SMYD3: variants seen among roughly 807,000 people sequenced by gnomAD.
The protein encoded by SMYD3 is histone-lysine N-methyltransferase SMYD3.
In SMYD3, 36 loss-of-function variants were observed where a neutral mutation model predicts 57.7. The observed-to-expected ratio is 0.62, with a 90% confidence interval of 0.48 to 0.82. SMYD3 has a LOEUF of 0.82. Among genes scored for constraint, SMYD3 ranks in the 40% least tolerant of loss-of-function variants. The pLI, the probability that SMYD3 is intolerant of heterozygous loss-of-function variation, is 0.00. For missense variants in SMYD3, 515 were observed against 538.8 expected (o/e 0.96, Z 0.44); for synonymous variants, 211 against 195.0 (o/e 1.08, Z -0.68).
intron 1 of SMYD3, among the ~76,000 whole-genome samples, chr1:246,387,786 A>T (rs983146201): frequency 6.6e-6 from 1 of 152,254 alleles, no homozygotes; most frequent in African/African-American, 2.4e-5. Context: ...ATTATATTAA[A>T]AATAACATTT....
At chr1:246,249,657 C>G (rs1338773599) in intron 5 of SMYD3, among the ~76,000 whole-genome samples, 1 of 151,960 alleles carries the variant, frequency 6.6e-6, no homozygotes. Context: ...ACAGTTTTAC[C>G]TAAAGTAACA....
intron 5 of SMYD3, among the ~76,000 whole-genome samples, chr1:246,175,188 G>C (rs577854590): frequency 6.6e-6 from 1 of 152,108 alleles, no homozygotes; most frequent in Non-Finnish European, 1.5e-5. Context: ...TTACAAAATC[G>C]TATTTGAGTA....
At chr1:245,935,720 C>G (rs769886960) in intron 5 of SMYD3, among the ~76,000 whole-genome samples, 44 of 152,182 alleles carry the variant, frequency 2.9e-4, no homozygotes, top group Non-Finnish European at 5.0e-4. Flanking sequence ...GAAGGAAATT[C>G]TGTCATTTGC....
chr1:246,173,476 GTAA>G (rs1484862918), intron 5 of SMYD3, among the ~76,000 whole-genome samples: 8 of 152,128 alleles, frequency 5.3e-5, no homozygotes, highest in Non-Finnish European at 1.0e-4. Flanking sequence ...TTTGACTCTT[GTAA>G]TAATACTTAC....
chr1:246,291,020 A>C (rs4590647), intron 5 of SMYD3, among the ~76,000 whole-genome samples: 23,905 of 150,780 alleles, frequency 0.16, 2,317 homozygotes, highest in East Asian at 0.43. Context: ...ACAATTAAAC[A>C]AGCTTTTAAG....
intron 2 of SMYD3, among the ~76,000 whole-genome samples, chr1:246,346,862 G>C (rs1416353479): frequency 4.6e-5 from 7 of 152,158 alleles, no homozygotes; most frequent in African/African-American, 1.7e-4. Context: ...GATATGGCAA[G>C]GATGTTGGAA....
At chr1:246,111,811 G>A (rs1438313640) in intron 5 of SMYD3, among the ~76,000 whole-genome samples, 2 of 152,184 alleles carry the variant, frequency 1.3e-5, no homozygotes, top group South Asian at 2.1e-4. Flanking sequence ...AAACGGTAGA[G>A]GCAGCAATAG....
intron 7 of SMYD3, among the ~76,000 whole-genome samples, chr1:245,927,563 C>G (rs1245995556): frequency 2.0e-5 from 3 of 152,184 alleles, no homozygotes; most frequent in Non-Finnish European, 2.9e-5. Context: ...GGGATGCCCC[C>G]CCCTGCCCAC....
chr1:245,955,797 T>C (rs1378753843), intron 5 of SMYD3: 7 of 316,022 alleles, frequency 2.2e-5, no homozygotes, highest in African/African-American at 9.0e-5. Context: ...AAGCAACATA[T>C]TGTATGTTTA....
intron 5 of SMYD3, among the ~76,000 whole-genome samples, chr1:246,175,826 A>G (rs918838406): frequency 2.6e-5 from 4 of 152,252 alleles, no homozygotes. Flanking sequence ...TTTCAAATAC[A>G]TTGTAAATGA....
intron 5 of SMYD3, among the ~76,000 whole-genome samples, chr1:246,048,084 C>T (rs989131718): frequency 2.0e-5 from 3 of 151,846 alleles, no homozygotes; most frequent in African/African-American, 7.3e-5. Context: ...AGGAAAAGAC[C>T]AAAAATTCAC....
intron 8 of SMYD3, among the ~76,000 whole-genome samples, chr1:245,878,865 G>C (rs1331747795): frequency 6.6e-6 from 1 of 152,212 alleles, no homozygotes; most frequent in Admixed American, 6.5e-5. Flanking sequence ...TTGAGCTTGT[G>C]AGTGTAAACA....
chr1:246,481,897 T>C (rs916239515), intron 1 of SMYD3, among the ~76,000 whole-genome samples: 1 of 151,566 alleles, frequency 6.6e-6, no homozygotes, highest in Non-Finnish European at 1.5e-5. Flanking sequence ...TGGCTCACAC[T>C]TGCAATCCCA....
intron 2 of SMYD3, among the ~76,000 whole-genome samples, chr1:246,336,322 T>C (rs2065544366): frequency 6.6e-6 from 1 of 152,202 alleles, no homozygotes; most frequent in African/African-American, 2.4e-5. Flanking sequence ...CCCTGGTGAG[T>C]AGAAGAAGCC....
intron 7 of SMYD3, among the ~76,000 whole-genome samples, chr1:245,918,952 A>G (rs1261367605): frequency 1.3e-5 from 2 of 152,192 alleles, no homozygotes; most frequent in African/African-American, 4.8e-5. Context: ...GACTAACCCA[A>G]GACTTTATTA....
At chr1:246,288,361 C>T (rs1235384379) in intron 5 of SMYD3, among the ~76,000 whole-genome samples, 1 of 151,590 alleles carries the variant, frequency 6.6e-6, no homozygotes, top group Non-Finnish European at 1.5e-5. Flanking sequence ...AGAGAAGCTT[C>T]TGGTTTGGTT....
At chr1:246,083,525 C>T (rs1017862317) in intron 5 of SMYD3, among the ~76,000 whole-genome samples, 11 of 12,228 alleles carry the variant, frequency 9.0e-4, no homozygotes, top group Non-Finnish European at 1.8e-3. Flanking sequence ...GGGTCCCCTG[C>T]GCCCACTTTT....
At chr1:246,248,636 CTTTTTTT>C (rs1178698803) in intron 5 of SMYD3, among the ~76,000 whole-genome samples, 4 of 52,108 alleles carry the variant, frequency 7.7e-5, no homozygotes, top group Non-Finnish European at 1.3e-4. Flanking sequence ...TCTGACTTTC[CTTTTTTT>C]TTTTTTTTTT....
chr1:246,160,867 T>C (rs1318776806), intron 5 of SMYD3, among the ~76,000 whole-genome samples: 1 of 152,068 alleles, frequency 6.6e-6, no homozygotes, highest in Non-Finnish European at 1.5e-5. Flanking sequence ...TCTGGGAAGA[T>C]TAAATAGAGA....
Sources: allele counts gnomAD v4.1 joint callset (sites outside exome capture counted in the v4.1 genomes callset), GRCh38; gene constraint gnomAD v4.1.1; transcripts MANE v1.5; gene names NCBI Gene and HGNC (gene_info 2026-07-23, HGNC 2026-07-21).